HERC4: variants seen among roughly 807,000 people sequenced by gnomAD.
The protein encoded by HERC4 is HECT and RLD domain containing E3 ubiquitin protein ligase 4, also known as probable E3 ubiquitin-protein ligase HERC4.
Under a neutral mutation model 124.3 loss-of-function variants are expected in HERC4, and 28 were observed. The ratio of observed to expected loss-of-function variants is 0.23; its 90% CI spans 0.17 to 0.31. The LOEUF is 0.31. Ranked by LOEUF, HERC4 falls within the 10% of genes least tolerant of loss-of-function variation. The pLI is 1.00. For synonymous variants in HERC4, 407 were observed against 421.5 expected, an observed-to-expected ratio of 0.97 and a Z score of 0.42; for missense variants, 713 against 1,229.3, an observed-to-expected ratio of 0.58 and a Z score of 6.28.
At chr10:67,955,812 G>C (rs12414281) in intron 17 of HERC4, 4 of 152,028 alleles carry the variant, frequency 2.6e-5, no homozygotes, top group African/African-American at 4.8e-5. Context: ...GAATGATCTG[G>C]CTAAGGAAGC....
At chr10:67,953,988 C>T (rs2033980240) in intron 19 of HERC4, among the ~76,000 whole-genome samples, 4 of 152,152 alleles carry the variant, frequency 2.6e-5, no homozygotes, top group Non-Finnish European at 5.9e-5. Flanking sequence ...AAATTTCTTT[C>T]AAGTCAGGAG....
chr10:67,974,876 A>G (rs1300416366), intron 15 of HERC4, among the ~76,000 whole-genome samples: 1 of 152,122 alleles, frequency 6.6e-6, no homozygotes, highest in African/African-American at 2.4e-5. Context: ...TTTCACTACA[A>G]TGCAGACTCT....
chr10:68,040,895 AAAAAAAAGAAAGAAAAAG>A (rs2039730297), intron 4 of HERC4, among the ~76,000 whole-genome samples: 1 of 151,714 alleles, frequency 6.6e-6, no homozygotes. Context: ...TCTCAAAAAA[AAAAAAAAGAAAGAAAAAG>A]AAAAAAAGAA....
At chr10:68,043,780 CACTCCA>C (rs1016025147) in intron 4 of HERC4, among the ~76,000 whole-genome samples, 2 of 152,158 alleles carry the variant, frequency 1.3e-5, no homozygotes, top group African/African-American at 4.8e-5. Flanking sequence ...CACACCATTG[CACTCCA>C]ACCCAGGCAA....
intron 8 of HERC4, among the ~76,000 whole-genome samples, chr10:68,019,387 T>C (rs1346631212): frequency 6.6e-6 from 1 of 152,120 alleles, no homozygotes. Flanking sequence ...TAGTGTTTAG[T>C]GGCACAGGGG....
At chr10:67,956,821 G>T in intron 17 of HERC4, 57 bp downstream of exon 17, 1 of 1,146,810 alleles carries the variant, frequency 8.7e-7, no homozygotes, top group Non-Finnish European at 1.2e-6. Context: ...AATATTTACT[G>T]TCCAGAAACA....
At chr10:68,065,667 T>C (rs1188144648) in intron 3 of HERC4, among the ~76,000 whole-genome samples, 1 of 152,050 alleles carries the variant, frequency 6.6e-6, no homozygotes, top group African/African-American at 2.4e-5. Context: ...CGAGACCAGC[T>C]TGGGCAAAAG....
chr10:67,975,020 C>T (rs1341526401), intron 15 of HERC4, among the ~76,000 whole-genome samples: 1 of 152,104 alleles, frequency 6.6e-6, no homozygotes, highest in African/African-American at 2.4e-5. Context: ...GAAACCCCGT[C>T]TCTACTAAAA....
intron 23 of HERC4, among the ~76,000 whole-genome samples, chr10:67,926,416 TA>T (rs11305276): frequency 0.013 from 1,517 of 119,406 alleles, 22 homozygotes; most frequent in African/African-American, 0.041. Context: ...AAATAAAAAA[TA>T]AAAAAAAAAA....
At chr10:67,999,037 G>C (rs1466087412) in intron 9 of HERC4, among the ~76,000 whole-genome samples, 1 of 151,972 alleles carries the variant, frequency 6.6e-6, no homozygotes, top group Non-Finnish European at 1.5e-5. Flanking sequence ...GGCTCCCATG[G>C]AGTTTTATAA....
At position 68,065,128 on chromosome 10, in the gene HERC4, C is replaced by T. The variant is rs148401434; in HGVS notation, c.226+7755G>A. On this transcript the variant is annotated intron_variant, in intron 3 of 24. Transcript: ENST00000373700. ...TTATCGGGGGAAAAAAGTTGAGATA[C>T]AAGAACACATTCCCAGTTTGTAATC... 3.3e-5 allele frequency among the ~76,000 whole-genome samples: 5 copies of T among 152,028 alleles called. No individual in the cohort carries two copies. In the East Asian group the frequency reaches 9.7e-4, roughly 29 times the overall value.
At chr10:68,034,241 T>A in intron 5 of HERC4, 55 bp from the exon 6 acceptor site, 1 of 1,289,382 alleles carries the variant, frequency 7.8e-7, no homozygotes, top group South Asian at 1.3e-5. Context: ...AAAAATTTAA[T>A]TTGAAAATAA....
chr10:68,056,149 A>C (rs1393932442), intron 3 of HERC4, among the ~76,000 whole-genome samples: 1 of 152,208 alleles, frequency 6.6e-6, no homozygotes, highest in Non-Finnish European at 1.5e-5. Flanking sequence ...AGACTCCAAC[A>C]TAATACAATA....
chr10:67,979,125 C>T (rs1564501211), intron 15 of HERC4, among the ~76,000 whole-genome samples: 2 of 152,088 alleles, frequency 1.3e-5, no homozygotes, highest in Admixed American at 6.5e-5. Flanking sequence ...AACATGACCT[C>T]ACCAAATGAA....
intron 19 of HERC4, among the ~76,000 whole-genome samples, chr10:67,950,721 T>C (rs1185730567): frequency 6.6e-6 from 1 of 152,250 alleles, no homozygotes; most frequent in Non-Finnish European, 1.5e-5. Flanking sequence ...ATCAGTTTGA[T>C]TTCACGGTCT....
chr10:67,965,673 A>T (rs2034820143), intron 16 of HERC4: 1 of 152,188 alleles, frequency 6.6e-6, no homozygotes, highest in African/African-American at 2.4e-5. Context: ...TATTCTAGAC[A>T]CTGTCAGAGG....
At chr10:67,942,641 A>G (rs1390416540) in intron 19 of HERC4, among the ~76,000 whole-genome samples, 1 of 151,982 alleles carries the variant, frequency 6.6e-6, no homozygotes, top group African/African-American at 2.4e-5. Flanking sequence ...CCTCCCGGGT[A>G]GCTGGGATTA....
At chr10:67,986,738 T>C (rs1453126355) in intron 15 of HERC4, among the ~76,000 whole-genome samples, 1 of 152,190 alleles carries the variant, frequency 6.6e-6, no homozygotes, top group African/African-American at 2.4e-5. Context: ...ATTCTTCATT[T>C]GCATATGGGA....
rs372398240 is a variant in HERC4, at chr10:67,955,026, A to G, written c.2130T>C (p.Ile710=). The change falls in exon 18 of 25, where the codon ATT becomes ATC. Residue 710 remains isoleucine, a synonymous_variant. Transcript: ENST00000373700. Reference sequence around the variant, plus strand: ...TAAGGACTTCCATTGCATCTCCTACAATATTTTCTCTACGCACCACTAGAA... The same window carrying G: ...TAAGGACTTCCATTGCATCTCCTACGATATTTTCTCTACGCACCACTAGAA... ...CLILVVRREN[I]VGDAMEVLRK... 116 of 1,600,360 alleles carry G rather than the reference A, an allele frequency of 7.2e-5. No individual in the cohort carries two copies. The highest frequency in any genetic ancestry group is 8.9e-5 in the Non-Finnish European group (105 of 1,175,398).
Sources: gnomAD v4.1 joint callset for allele counts (sites outside exome capture counted in the v4.1 genomes callset) on GRCh38, gnomAD v4.1.1 for gene constraint, MANE v1.5 for transcripts, NCBI Gene and HGNC (gene_info 2026-07-23, HGNC 2026-07-21) for gene names.